Variants in EHBP1L1 observed in about 807,000 individuals in gnomAD.
The protein encoded by EHBP1L1 is EH domain-binding protein 1-like protein 1.
Under a neutral mutation model 151.1 loss-of-function variants are expected in EHBP1L1, and 122 were observed. That is an observed-to-expected ratio of 0.81 (90% CI 0.70 to 0.94). The LOEUF (loss-of-function observed/expected upper bound fraction) is 0.94. EHBP1L1 is among the 40% of genes least tolerant of loss of function. EHBP1L1 has a pLI of 0.00. For missense variants in EHBP1L1, 1,941 were observed against 1,959.8 expected, an observed-to-expected ratio of 0.99 and a Z score of 0.18; for synonymous variants, 878 against 810.1, an observed-to-expected ratio of 1.08 and a Z score of -1.42.
intron 1 of EHBP1L1, chr11:65,578,424 TCA>T (rs2135226681): frequency 6.5e-6 from 1 of 152,882 alleles, no homozygotes; most frequent in South Asian, 2.0e-4. Context: ...CTCCAGATCC[TCA>T]CACAGCCCAT....
In EHBP1L1 at chr11:65,582,794, G is replaced by A; in HGVS notation, c.2122G>A (p.Ala708Thr). 6.2e-7 allele frequency: 1 copy of A among 1,613,654 alleles called. No individual in the cohort carries two copies. Among genetic ancestry groups the A allele is most frequent in the Non-Finnish European group, 8.5e-7 (1 of 1,179,840 alleles). ...GGGGACCCAGGAGACAGAGGTGGAA[G>A]CTTCTAGGGTACCAGAGTCAGAGGC... is the stretch of plus-strand genomic sequence containing the variant. Reference protein sequence around the residue: ...MLGTQETEVEASRVPESEAEG... With the variant: ...MLGTQETEVETSRVPESEAEG... The change falls in exon 9 of 19, where the codon GCT becomes ACT. Residue 708 changes from alanine to threonine, a missense_variant. Ala to Thr is a moderately conservative substitution (Grantham distance 58). Coordinates refer to ENST00000309295, the MANE Select transcript of EHBP1L1 (RefSeq NM_001099409.3).
At position 65,585,210 on chromosome 11, in the gene EHBP1L1, T is replaced by C; in HGVS notation, c.3552T>C (p.Gly1184=). 1 of 1,161,948 alleles carries C rather than the reference T, an allele frequency of 8.6e-7. No individual in the cohort carries two copies. The highest frequency in any genetic ancestry group is 1.1e-6 in the Non-Finnish European group (1 of 942,480). The allele number at this position is 1,161,948 out of a possible 1,614,324, so 72.0% of individuals were successfully genotyped here. The change falls in exon 12 of 19, where the codon GGT becomes GGC. Residue 1184 remains glycine, a synonymous_variant. Transcript: ENST00000309295. This position sits in a 1 kb window ranked among gnomAD's most constrained non-coding sequence, Gnocchi z 4.0. ...DAGGLAQRLR[G]HGAEGPQEPK... ...GAGGCCTGGCGCAGCGGCTGCGCGG[T>C]CACGGGGCCGAGGGGCCCCAGGAGC...
chr11:65,591,703 TG>T, intron 16 of EHBP1L1, 96 bp from the exon 17 acceptor site: 1 of 980,046 alleles, frequency 1.0e-6, no homozygotes, highest in Non-Finnish European at 1.6e-6. Context: ...GGAGGTGGGA[TG>T]GGGTCAGGGA....
chr11:65,581,598 G>C lies in EHBP1L1; in HGVS notation c.926G>C (p.Gly309Ala). Residue 309 changes from glycine (G) to alanine (A), a missense_variant, in exon 9 of 19, where the codon GGC becomes GCC. By Grantham distance (60) the Gly-to-Ala change is moderately conservative. Coordinates refer to ENST00000309295, the MANE Select transcript of EHBP1L1 (RefSeq NM_001099409.3). ...ACCCCAGCCCCTCGGCTCCGGAAAG[G>C]CTCTGATGCCCTCCGGCCCCCAGTC... Reference protein sequence around the residue: ...APTPAPRLRKGSDALRPPVPQ... With the variant: ...APTPAPRLRKASDALRPPVPQ... 2.6e-6 allele frequency: 4 copies of C among 1,526,228 alleles called. No homozygotes were observed. Among genetic ancestry groups the C allele is most frequent in the Non-Finnish European group, 3.5e-6 (4 of 1,136,768 alleles). 94.5% of individuals were successfully genotyped at this position (1,526,228 alleles called of 1,614,324 possible).
intron 16 of EHBP1L1, 37 bp from the exon 17 acceptor site, chr11:65,591,759 AACTG>A: frequency 6.9e-7 from 1 of 1,455,630 alleles, no homozygotes; most frequent in Non-Finnish European, 9.4e-7. Context: ...CCTTTTCCTG[AACTG>A]CCACCCCCCC....
chr11:65,584,353 G>T lies in EHBP1L1; in HGVS notation c.3206G>T (p.Gly1069Val). 1 of 1,610,152 alleles carries T rather than the reference G, an allele frequency of 6.2e-7. No individual in the cohort carries two copies. Among genetic ancestry groups the T allele is most frequent in the Non-Finnish European group, 8.5e-7 (1 of 1,177,588 alleles). ...ITNFTTSWRN[G>V]LAFCAILHRF... ...AACTTCACCACATCCTGGCGCAACG[G>T]CTTGGCCTTCTGTGCCATCCTGCAC... The change falls in exon 10 of 19, where the codon GGC (glycine) becomes GTC (valine). Residue 1069 changes from glycine to valine, a missense_variant. Transcript: ENST00000309295.
chr11:65,588,191 C>T (rs1174021315), intron 12 of EHBP1L1, among the ~76,000 whole-genome samples: 1 of 151,864 alleles, frequency 6.6e-6, no homozygotes, highest in African/African-American at 2.4e-5. Flanking sequence ...GCAGGGGGGT[C>T]TCTGGAGGAA....
Position 65,585,726 on chromosome 11 carries a change from T to C in EHBP1L1, c.3933+135T>C, listed in dbSNP as rs1590830231. The C allele has an allele frequency of 1.1e-5, 15 of 1,396,678 alleles. No homozygotes were observed. In the Admixed American group the frequency reaches 3.6e-4, roughly 33 times the overall value. The allele number at this position is 1,396,678 out of a possible 1,614,324, so 86.5% of individuals were successfully genotyped here. A position where few individuals can be genotyped will look rare whatever the true frequency, so the allele number is the denominator to read the frequency against. On this transcript the variant is annotated intron_variant, in intron 12 of 18. Transcript: ENST00000309295. This position sits in a 1 kb window ranked among gnomAD's most constrained non-coding sequence, Gnocchi z 4.0. The stretch of plus-strand genomic sequence containing the variant: ...GGTGACGGTTTCAGAGTGGCGGGGC[T>C]CGGCTGGACCCAGGAGGGGCTATCT...
At chr11:65,584,800 G>A in intron 11 of EHBP1L1, 159 bp from the exon 12 acceptor site, 2 of 1,085,720 alleles carry the variant, frequency 1.8e-6, no homozygotes, top group Non-Finnish European at 2.6e-6. Context: ...ACGCGAGGGC[G>A]GGCCTTGTTG....
At chr11:65,577,181 G>A (rs1157103755) in intron 1 of EHBP1L1, among the ~76,000 whole-genome samples, 3 of 152,148 alleles carry the variant, frequency 2.0e-5, no homozygotes, top group African/African-American at 7.2e-5. Flanking sequence ...AAATATACGT[G>A]CTTGCTGGTG....
In EHBP1L1 at chr11:65,592,309, C is replaced by G. The variant is rs997004361; in HGVS notation, c.*7C>G. On this transcript the variant is annotated 3_prime_UTR_variant, in exon 19 of 19. Coordinates refer to ENST00000309295, the MANE Select transcript of EHBP1L1 (RefSeq NM_001099409.3). ...GCGCTGCGTGCTGAGCTGAGGCCGC[C>G]GGCCCGGGTGGCCCATAACTTCTCG... 3.4e-6 allele frequency: 5 copies of G among 1,467,482 alleles called. No homozygotes were observed. The Admixed American group carries it at 1.3e-4, about 38-fold the overall frequency. The allele number at this position is 1,467,482 out of a possible 1,614,324, so 90.9% of individuals were successfully genotyped here. A position where few individuals can be genotyped will look rare whatever the true frequency, so the allele number is the denominator to read the frequency against.
At chr11:65,591,776 C>T in intron 16 of EHBP1L1, 24 bp from the exon 17 acceptor site, 1 of 1,188,010 alleles carries the variant, frequency 8.4e-7, no homozygotes, top group Non-Finnish European at 1.2e-6. Flanking sequence ...ACCCCCCCGC[C>T]ACCCACCCCC....
In EHBP1L1 at chr11:65,589,764, C is replaced by T; in HGVS notation, c.3947C>T (p.Pro1316Leu). Reference protein sequence around the residue: ...MGAAAAEGQAPDPSPAPGPPT... With the variant: ...MGAAAAEGQALDPSPAPGPPT... ...CTTCTTCCACAGGAAGGCCAGGCCC[C>T]TGACCCCAGCCCTGCCCCAGGCCCA... Residue 1316 changes from proline to leucine, a missense_variant, in exon 13 of 19, where the codon CCT becomes CTT. Transcript: ENST00000309295. 1 of 1,550,184 alleles carries T rather than the reference C, an allele frequency of 6.5e-7. No individual in the cohort carries two copies. Among genetic ancestry groups the T allele is most frequent in the Non-Finnish European group, 8.7e-7 (1 of 1,147,056 alleles).
At chr11:65,583,973 T>G (rs1430684343) in intron 9 of EHBP1L1, 7 of 1,409,320 alleles carry the variant, frequency 5.0e-6, no homozygotes, top group Non-Finnish European at 6.4e-6. Context: ...GCTGGACACC[T>G]CTAAGCTGAT....
chr11:65,581,845 G>A lies in EHBP1L1; in HGVS notation c.1173G>A (p.Gly391=). The A allele has an allele frequency of 1.2e-6, 2 of 1,613,676 alleles. No individual in the cohort carries two copies. The highest frequency in any genetic ancestry group is 1.7e-6 in the Non-Finnish European group (2 of 1,179,802). ...CTGAGGACAGGCCAGAGGCCAGTGG[G>A]GTGGACACTGAGCCAAGGTCAGGAG... ...MDTEDRPEAS[G]VDTEPRSGGR... The change falls in exon 9 of 19, where the codon GGG becomes GGA. Residue 391 remains glycine (G), a synonymous_variant. Coordinates refer to ENST00000309295, the MANE Select transcript of EHBP1L1 (RefSeq NM_001099409.3).
chr11:65,590,860 A>T (rs1156540357), intron 16 of EHBP1L1, among the ~76,000 whole-genome samples: 2 of 151,318 alleles, frequency 1.3e-5, no homozygotes, highest in Non-Finnish European at 2.9e-5. Context: ...GTGAAACCCC[A>T]TCTCTACTAA....
At position 65,585,728 on chromosome 11, in the gene EHBP1L1, G is replaced by C; in HGVS notation, c.3933+137G>C. On this transcript the variant is annotated intron_variant, in intron 12 of 18. Coordinates refer to ENST00000309295, the MANE Select transcript of EHBP1L1 (RefSeq NM_001099409.3). This position sits in a 1 kb window ranked among gnomAD's most constrained non-coding sequence, Gnocchi z 4.0. ...TGACGGTTTCAGAGTGGCGGGGCTC[G>C]GCTGGACCCAGGAGGGGCTATCTGA... 2 of 1,391,274 alleles carry C rather than the reference G, an allele frequency of 1.4e-6. No individual in the cohort carries two copies. Among genetic ancestry groups the C allele is most frequent in the Non-Finnish European group, 1.9e-6 (2 of 1,037,334 alleles). 86.2% of individuals were successfully genotyped at this position (1,391,274 alleles called of 1,614,324 possible). A position where few individuals can be genotyped will look rare whatever the true frequency, so the allele number is the denominator to read the frequency against.
Position 65,592,404 on chromosome 11 carries a change from G to T in EHBP1L1, c.*102G>T, listed in dbSNP as rs1565136728. On this transcript the variant is annotated 3_prime_UTR_variant, in exon 19 of 19. Coordinates refer to ENST00000309295, the MANE Select transcript of EHBP1L1 (RefSeq NM_001099409.3). ...CCCGGCCGTCCCGGAGGCCGCGCGCGTGTCCGCTAGGGGCCGCCGGCGCCC... is the reference window on the plus strand; with the variant it reads ...CCCGGCCGTCCCGGAGGCCGCGCGCTTGTCCGCTAGGGGCCGCCGGCGCCC... The T allele has an allele frequency of 1.1e-6, 1 of 901,686 alleles. No individual in the cohort carries two copies. Among genetic ancestry groups the T allele is most frequent in the Non-Finnish European group, 1.4e-6 (1 of 727,330 alleles). 55.9% of individuals were successfully genotyped at this position (901,686 alleles called of 1,614,324 possible). A position where few individuals can be genotyped will look rare whatever the true frequency, so the allele number is the denominator to read the frequency against.
In EHBP1L1 at chr11:65,582,305, C is replaced by T; in HGVS notation, c.1633C>T (p.Leu545=). Residue 545 remains leucine, a synonymous_variant, in exon 9 of 19, where the codon CTG becomes TTG. Transcript: ENST00000309295. The part of the protein sequence containing the change: ...RPQVSSWQGA[L]LSTAQGAISR... ...CCAGGTGAGCAGCTGGCAGGGGGCCCTGTTATCAACTGCCCAGGGGGCAAT... is the reference window on the plus strand; with the variant it reads ...CCAGGTGAGCAGCTGGCAGGGGGCCTTGTTATCAACTGCCCAGGGGGCAAT... 6.5e-7 allele frequency: 1 copy of T among 1,532,392 alleles called. No homozygotes were observed. Among genetic ancestry groups the T allele is most frequent in the Non-Finnish European group, 8.7e-7 (1 of 1,145,012 alleles). The allele number at this position is 1,532,392 out of a possible 1,614,324, so 94.9% of individuals were successfully genotyped here.
Sources: allele counts gnomAD v4.1 joint callset (sites outside exome capture counted in the v4.1 genomes callset), GRCh38; gene constraint gnomAD v4.1.1; non-coding constraint Gnocchi (gnomAD v3.1); transcripts MANE v1.5; gene names NCBI Gene and HGNC (gene_info 2026-07-23, HGNC 2026-07-21).